The following CEP295 variants were observed in gnomAD, a reference collection of about 807,000 sequenced individuals.
CEP295 encodes centrosomal protein of 295 kDa.
CEP295 carries 190 observed loss-of-function variants against 291.6 expected under a neutral mutation model. The observed-to-expected ratio is 0.65, with a 90% confidence interval of 0.58 to 0.73. The LOEUF is 0.73. Among genes scored for constraint, CEP295 ranks in the 30% least tolerant of loss-of-function variants. The pLI, the probability that CEP295 is intolerant of heterozygous loss-of-function variation, is 0.00. For synonymous variants in CEP295, 993 were observed against 1,038.8 expected, an observed-to-expected ratio of 0.96 and a Z score of 0.85; for missense variants, 2,863 against 2,949.4, an observed-to-expected ratio of 0.97 and a Z score of 0.68.
intron 9 of CEP295, among the ~76,000 whole-genome samples, chr11:93,686,015 G>C (rs1336374750): frequency 6.7e-6 from 1 of 150,172 alleles, no homozygotes; most frequent in Admixed American, 6.6e-5. Flanking sequence ...GGCCAGCAGT[G>C]TCTTTAAAAA....
chr11:93,699,296 C>G lies in CEP295; in HGVS notation c.4384C>G (p.His1462Asp). The part of the protein sequence containing the change: ...QQDNLIALEE[H>D]LHAQTDFLPS... ...AGATAATTTGATTGCACTTGAAGAA[C>G]ACTTGCATGCACAGACAGATTTCCT... Residue 1462 changes from histidine to aspartate, a missense_variant, in exon 15 of 30, where the codon CAC (histidine) becomes GAC (aspartate). By Grantham distance (81) the His-to-Asp change is moderately conservative. Around this residue, in one of 3 missense-constraint regions of CEP295, gnomAD observed 2,295 missense variants for 2,335.7 expected, o/e 0.98. Transcript: ENST00000325212. 2 of 1,551,930 alleles carry G rather than the reference C, an allele frequency of 1.3e-6. No homozygotes were observed. The highest frequency in any genetic ancestry group is 1.7e-6 in the Non-Finnish European group (2 of 1,146,932).
At chr11:93,686,364 T>C (rs1249422447) in intron 9 of CEP295, among the ~76,000 whole-genome samples, 1 of 152,084 alleles carries the variant, frequency 6.6e-6, no homozygotes, top group African/African-American at 2.4e-5. Context: ...GCTTTTTCAG[T>C]TATTTTCATT....
At chr11:93,664,560 G>A (rs2134753579) in intron 1 of CEP295, among the ~76,000 whole-genome samples, 1 of 152,278 alleles carries the variant, frequency 6.6e-6, no homozygotes, top group East Asian at 1.9e-4. Context: ...CTTATTGAAG[G>A]TTGTGATGAT....
rs1220408485 is a variant in CEP295 at position 93,684,053 on chromosome 11, A to G, written c.1039A>G (p.Met347Val). The change falls in exon 9 of 30, where the codon ATG (methionine) becomes GTG (valine). Residue 347 changes from methionine (M) to valine (V), a missense_variant. Transcript: ENST00000325212. ...CCAAGATGAAGAGCTGGACCTTTCAATGGAACAAGAAAATTTGGGTGCAGC... is the reference window on the plus strand; with the variant it reads ...CCAAGATGAAGAGCTGGACCTTTCAGTGGAACAAGAAAATTTGGGTGCAGC... ...QIQDEELDLS[M>V]EQENLGAAED... is the part of the protein sequence containing the mutation. 6.4e-7 allele frequency: 1 copy of G among 1,551,794 alleles called. No homozygotes were observed. The highest frequency in any genetic ancestry group is 1.2e-5 in the South Asian group (1 of 84,066).
At chr11:93,673,568 C>T (rs1950548135) in intron 5 of CEP295, among the ~76,000 whole-genome samples, 1 of 151,424 alleles carries the variant, frequency 6.6e-6, no homozygotes, top group African/African-American at 2.4e-5. Context: ...GTCTCGGCTC[C>T]CTGCAACCTC....
intron 5 of CEP295, among the ~76,000 whole-genome samples, chr11:93,674,253 G>A (rs867905614): frequency 2.0e-5 from 3 of 152,122 alleles, no homozygotes; most frequent in East Asian, 1.9e-4. Flanking sequence ...ATGAGCCACC[G>A]CGCCCAGCCC....
chr11:93,730,189 T>C (rs1938251722), intron 29 of CEP295, 41 bp downstream of exon 29: 3 of 1,551,074 alleles, frequency 1.9e-6, no homozygotes, highest in Non-Finnish European at 2.6e-6. Context: ...TTTTCAAGCA[T>C]GAAGTACACA....
chr11:93,717,035 G>A (rs1267776698), intron 18 of CEP295, among the ~76,000 whole-genome samples: 1 of 152,238 alleles, frequency 6.6e-6, no homozygotes, highest in African/African-American at 2.4e-5. Flanking sequence ...TGCTGGGAGA[G>A]TCTACAGAGC....
chr11:93,692,830 G>T (rs1332709242), intron 12 of CEP295, among the ~76,000 whole-genome samples: 1 of 151,722 alleles, frequency 6.6e-6, no homozygotes, highest in Non-Finnish European at 1.5e-5. Flanking sequence ...AAAATCAGCT[G>T]GGTGTGGTGA....
intron 18 of CEP295, among the ~76,000 whole-genome samples, chr11:93,710,768 T>C (rs1019556013): frequency 1.3e-5 from 2 of 152,216 alleles, no homozygotes; most frequent in African/African-American, 4.8e-5. Context: ...GGGAGACTTT[T>C]TATTTCAGCT....
intron 10 of CEP295, among the ~76,000 whole-genome samples, chr11:93,689,706 T>A (rs1299611492): frequency 6.6e-6 from 1 of 152,132 alleles, no homozygotes; most frequent in African/African-American, 2.4e-5. Flanking sequence ...AAGTGACTGG[T>A]GCTTATTTTG....
At chr11:93,718,860 C>A (rs1454489450) in intron 18 of CEP295, among the ~76,000 whole-genome samples, 2 of 152,128 alleles carry the variant, frequency 1.3e-5, no homozygotes, top group Non-Finnish European at 2.9e-5. Flanking sequence ...CCTGTAATCC[C>A]AGCACTTAGG....
intron 15 of CEP295, among the ~76,000 whole-genome samples, chr11:93,701,010 A>G (rs1952124161): frequency 6.6e-6 from 1 of 152,146 alleles, no homozygotes. Context: ...ACTCATTCAT[A>G]GTTGCCCTAT....
At chr11:93,669,880 C>T in intron 5 of CEP295, 110 bp downstream of exon 5, 1 of 654,820 alleles carries the variant, frequency 1.5e-6, no homozygotes, top group Non-Finnish European at 2.6e-6. Flanking sequence ...TTTTCTTGTA[C>T]AATTAAAAAC....
chr11:93,724,229 C>G, intron 21 of CEP295, 25 bp from the exon 22 acceptor site: 2 of 1,528,680 alleles, frequency 1.3e-6, no homozygotes, highest in Middle Eastern at 1.7e-4. Context: ...CTCAAAAATT[C>G]TAACAGTTGA....
chr11:93,681,216 C>CT (rs1565442046), intron 7 of CEP295, among the ~76,000 whole-genome samples: 1 of 149,750 alleles, frequency 6.7e-6, no homozygotes, highest in Non-Finnish European at 1.5e-5. Flanking sequence ...GTTAACCTCT[C>CT]TAAGTTCTGT....
chr11:93,681,403 A>T (rs1177067316), intron 7 of CEP295, among the ~76,000 whole-genome samples: 10 of 36,530 alleles, frequency 2.7e-4, no homozygotes, highest in African/African-American at 8.6e-4. Flanking sequence ...CACCCAGCTA[A>T]TTTTTTTTTT....
At position 93,712,289 on chromosome 11, in the gene CEP295, C is replaced by T. The variant is rs568931203; in HGVS notation, c.5749+5392C>T. Among the ~76,000 whole-genome samples, 261 of 152,108 alleles carry T rather than the reference C, an allele frequency of 1.7e-3. 4 individuals carry two copies. Among genetic ancestry groups the T allele is most frequent in the African/African-American group, 4.6e-3 (192 of 41,490 alleles). ...TAAGACAGAGTCTCACTCTGTCACC[C>T]AGGCTGGAGTATGGAGTACAGTGGT... is the stretch of plus-strand genomic sequence containing the variant. On this transcript the variant is annotated intron_variant, in intron 18 of 29. Transcript: ENST00000325212.
chr11:93,696,540 C>G (rs1951853632), intron 14 of CEP295, 123 bp downstream of exon 14: 1 of 1,020,604 alleles, frequency 9.8e-7, no homozygotes, highest in Admixed American at 2.7e-5. Context: ...AACTGCCATT[C>G]TTAAAGGACA....
Sources: allele counts gnomAD v4.1 joint callset (sites outside exome capture counted in the v4.1 genomes callset), GRCh38; gene constraint gnomAD v4.1.1; regional missense constraint gnomAD v4.1.1; transcripts MANE v1.5; gene names NCBI Gene and HGNC (gene_info 2026-07-23, HGNC 2026-07-21).